SLC4A10: variants seen among roughly 807,000 people sequenced by gnomAD.
SLC4A10 encodes the protein sodium-driven chloride bicarbonate exchanger.
In SLC4A10, 42 loss-of-function variants were observed where a neutral mutation model predicts 137.7. The observed-to-expected ratio is 0.30, with a 90% confidence interval of 0.24 to 0.39. The LOEUF (loss-of-function observed/expected upper bound fraction) is 0.39, where lower values mean the gene tolerates loss of function less well. Ranked by LOEUF, SLC4A10 falls within the 10% of genes least tolerant of loss-of-function variation. The pLI is 1.00. For missense variants in SLC4A10, 925 were observed against 1,355.0 expected, an observed-to-expected ratio of 0.68 and a Z score of 4.98; for synonymous variants, 474 against 464.1, an observed-to-expected ratio of 1.02 and a Z score of -0.27.
intron 4 of SLC4A10, among the ~76,000 whole-genome samples, chr2:161,848,816 A>G (rs918002312): frequency 6.6e-6 from 1 of 152,154 alleles, no homozygotes; most frequent in African/African-American, 2.4e-5. Context: ...AGGTAGTGTG[A>G]TGCCTCCAGC....
chr2:161,805,929 G>T (rs2055898897), intron 3 of SLC4A10, among the ~76,000 whole-genome samples: 1 of 152,192 alleles, frequency 6.6e-6, no homozygotes, highest in African/African-American at 2.4e-5. Context: ...TTTCCCTTCT[G>T]CACTGCCCTA....
At chr2:161,917,405 GTAGA>G (rs1559529833) in intron 15 of SLC4A10, among the ~76,000 whole-genome samples, 2 of 151,488 alleles carry the variant, frequency 1.3e-5, no homozygotes, top group East Asian at 3.9e-4. Flanking sequence ...GTTAGATAGT[GTAGA>G]TAGTTAGATA....
At chr2:161,661,969 A>G (rs891874710) in intron 1 of SLC4A10, among the ~76,000 whole-genome samples, 11 of 152,166 alleles carry the variant, frequency 7.2e-5, no homozygotes, top group African/African-American at 2.7e-4. Flanking sequence ...TGAAAAGTAA[A>G]AACAGTAGTT....
At chr2:161,868,036 G>T (rs2060868200) in intron 6 of SLC4A10, among the ~76,000 whole-genome samples, 2 of 151,826 alleles carry the variant, frequency 1.3e-5, no homozygotes, top group Non-Finnish European at 2.9e-5. Context: ...ATTTACAGTG[G>T]ATTAAGCAGT....
intron 1 of SLC4A10, among the ~76,000 whole-genome samples, chr2:161,718,233 TA>T (rs1559098214): frequency 1.3e-5 from 2 of 152,156 alleles, no homozygotes; most frequent in South Asian, 2.1e-4. Flanking sequence ...ATTAATTTTT[TA>T]AAAAAATCAC....
chr2:161,893,341 T>C (rs1158604663), intron 10 of SLC4A10, among the ~76,000 whole-genome samples: 2 of 151,870 alleles, frequency 1.3e-5, no homozygotes, highest in Non-Finnish European at 1.5e-5. Context: ...AGATATAATA[T>C]ATAGTTGGCC....
intron 1 of SLC4A10, among the ~76,000 whole-genome samples, chr2:161,668,833 G>A (rs2039379992): frequency 6.6e-6 from 1 of 151,546 alleles, no homozygotes; most frequent in South Asian, 2.1e-4. Flanking sequence ...TTTATTCCTG[G>A]TTCTGTACAT....
chr2:161,791,002 C>T (rs2054140550), intron 2 of SLC4A10, among the ~76,000 whole-genome samples: 1 of 152,072 alleles, frequency 6.6e-6, no homozygotes, highest in Non-Finnish European at 1.5e-5. Context: ...AAAAGGATTC[C>T]TTTACACTAT....
At chr2:161,781,701 A>G (rs1462401485) in intron 2 of SLC4A10, among the ~76,000 whole-genome samples, 1 of 152,052 alleles carries the variant, frequency 6.6e-6, no homozygotes, top group Non-Finnish European at 1.5e-5. Context: ...ATGTCACCAA[A>G]GTGTGGAGTA....
chr2:161,980,656 AC>A (rs1293359356), intron 26 of SLC4A10, among the ~76,000 whole-genome samples: 1 of 152,188 alleles, frequency 6.6e-6, no homozygotes, highest in Non-Finnish European at 1.5e-5. Context: ...CTCAAAAAAA[AC>A]AACCACTATT....
chr2:161,934,095 T>C (rs973494949), intron 15 of SLC4A10, among the ~76,000 whole-genome samples: 1 of 152,212 alleles, frequency 6.6e-6, no homozygotes, highest in African/African-American at 2.4e-5. Flanking sequence ...TTTTGATGTG[T>C]AATGATCACA....
intron 4 of SLC4A10, among the ~76,000 whole-genome samples, chr2:161,850,375 G>C (rs1311701648): frequency 1.3e-5 from 2 of 152,056 alleles, no homozygotes; most frequent in Non-Finnish European, 2.9e-5. Flanking sequence ...GGGTGACAGA[G>C]CAAGACTCTG....
At chr2:161,889,664 T>A (rs1211123277) in intron 10 of SLC4A10, among the ~76,000 whole-genome samples, 2 of 151,972 alleles carry the variant, frequency 1.3e-5, no homozygotes, top group African/African-American at 4.8e-5. Context: ...CTATTTGATT[T>A]TTCTCTCTTT....
At chr2:161,952,304 C>T (rs1273912249) in intron 19 of SLC4A10, among the ~76,000 whole-genome samples, 1 of 152,146 alleles carries the variant, frequency 6.6e-6, no homozygotes, top group Non-Finnish European at 1.5e-5. Context: ...TGCTCTTACT[C>T]CTTGTTCTTC....
chr2:161,926,429 C>T (rs369933940), intron 15 of SLC4A10, among the ~76,000 whole-genome samples: 1 of 136,610 alleles, frequency 7.3e-6, no homozygotes, highest in Admixed American at 7.9e-5. Context: ...TCCTCCATCC[C>T]TTTATTTTGA....
chr2:161,828,767 CATATATATATATATAT>C lies in SLC4A10; in HGVS notation c.278-10995_278-10980del, dbSNP rs58808663. Among the ~76,000 whole-genome samples, 68 of 42,092 alleles carry C rather than the reference CATATATATATATATAT, an allele frequency of 1.6e-3. 5 individuals are homozygous for C. The highest frequency in any genetic ancestry group is 6.4e-3 in the South Asian group (6 of 944). 27.6% of individuals were successfully genotyped at this position (42,092 alleles called of 152,430 possible). On this transcript the variant is annotated intron_variant, in intron 3 of 26. Coordinates refer to ENST00000446997, the MANE Select transcript of SLC4A10 (RefSeq NM_001178015.2). ...CTTTTCCTTGGTTTTAATTCTAATT[CATATATATATATATAT>C]ATATATATATATATATATATATATA...
At chr2:161,745,986 A>G (rs2048346580) in intron 1 of SLC4A10, among the ~76,000 whole-genome samples, 1 of 152,080 alleles carries the variant, frequency 6.6e-6, no homozygotes, top group Admixed American at 6.5e-5. Flanking sequence ...GAAGTGATTC[A>G]AGCACTCCTA....
At chr2:161,837,275 T>C (rs1389439360) in intron 3 of SLC4A10, among the ~76,000 whole-genome samples, 6 of 152,028 alleles carry the variant, frequency 3.9e-5, no homozygotes, top group Admixed American at 3.9e-4. Context: ...CAAGGTCACA[T>C]GAAAATAAAT....
intron 23 of SLC4A10, among the ~76,000 whole-genome samples, chr2:161,968,374 GTACTT>G (rs1203869370): frequency 6.6e-6 from 1 of 152,074 alleles, no homozygotes; most frequent in East Asian, 1.9e-4. Context: ...TATACCCACT[GTACTT>G]TAATGGGCAT....
Sources: allele counts gnomAD v4.1 joint callset (sites outside exome capture counted in the v4.1 genomes callset), GRCh38; gene constraint gnomAD v4.1.1; transcripts MANE v1.5; gene names NCBI Gene and HGNC (gene_info 2026-07-23, HGNC 2026-07-21).